NARS2: variants seen among roughly 807,000 people sequenced by gnomAD.
The protein encoded by NARS2 is asparaginyl-tRNA synthetase 2, mitochondrial.
A neutral mutation model predicts 62.9 loss-of-function variants in NARS2; 60 were observed. The ratio of observed to expected loss-of-function variants is 0.95; its 90% CI spans 0.77 to 1.18. The LOEUF is 1.18. Ranked by LOEUF, NARS2 falls within the 50% of genes most tolerant of loss-of-function variation. The probability of loss-of-function intolerance (pLI) is 0.00; values close to 1 mark genes in which losing one functional copy is unlikely to be tolerated. For synonymous variants in NARS2, 196 were observed against 200.0 expected, an observed-to-expected ratio of 0.98 and a Z score of 0.17; for missense variants, 619 against 576.4, an observed-to-expected ratio of 1.07 and a Z score of -0.76.
intron 6 of NARS2, among the ~76,000 whole-genome samples, chr11:78,493,592 A>C (rs1376503625): frequency 6.6e-6 from 1 of 151,898 alleles, no homozygotes; most frequent in Non-Finnish European, 1.5e-5. Context: ...CAGGAGGTGG[A>C]GGCCACAGTG....
At chr11:78,458,925 G>GTT (rs199817987) in intron 11 of NARS2, among the ~76,000 whole-genome samples, 1 of 149,390 alleles carries the variant, frequency 6.7e-6, no homozygotes, top group Non-Finnish European at 1.5e-5. Context: ...TTGTTTGTTT[G>GTT]TTTGTTTTTT....
chr11:78,466,025 A>C lies in NARS2; in HGVS notation c.1027-12T>G, dbSNP rs201187887. 109 of 1,574,388 alleles carry C rather than the reference A, an allele frequency of 6.9e-5. No individual in the cohort carries two copies. The East Asian group carries it at 2.4e-3, about 35-fold the overall frequency. On this transcript the variant is annotated splice_polypyrimidine_tract_variant and intron_variant, in intron 10 of 13. Transcript: ENST00000281038. The stretch of plus-strand genomic sequence containing the variant: ...AGGTCAGCACCCCACTGTAATGAGA[A>C]GAAAGAAATGACCAAAAGAGGAGAC...
Position 78,550,580 on chromosome 11 carries a change from T to C in NARS2, c.594+8959A>G, listed in dbSNP as rs1774686395. ...CAATAATATGCCACTTTACACCCATTAGTATGATTATAATCAAAGAAACTG... is the reference window on the plus strand; with the variant it reads ...CAATAATATGCCACTTTACACCCATCAGTATGATTATAATCAAAGAAACTG... On this transcript the variant is annotated intron_variant, in intron 5 of 13. Coordinates refer to ENST00000281038, the MANE Select transcript of NARS2 (RefSeq NM_024678.6). 2.0e-5 allele frequency among the ~76,000 whole-genome samples: 3 copies of C among 152,268 alleles called. No homozygotes were observed. In the South Asian group the frequency reaches 6.2e-4, roughly 32 times the overall value.
intron 11 of NARS2, among the ~76,000 whole-genome samples, chr11:78,461,031 A>G (rs935531391): frequency 1.3e-5 from 2 of 152,210 alleles, no homozygotes; most frequent in Non-Finnish European, 1.5e-5. Context: ...TGCATAGGTG[A>G]TACGCATACT....
intron 11 of NARS2, among the ~76,000 whole-genome samples, chr11:78,464,467 T>C (rs560179065): frequency 1.4e-3 from 211 of 152,262 alleles, no homozygotes; most frequent in African/African-American, 4.9e-3. Flanking sequence ...AGGGCGCTGA[T>C]TGGTACATTT....
intron 5 of NARS2, among the ~76,000 whole-genome samples, chr11:78,543,463 T>C (rs1855711428): frequency 6.6e-6 from 1 of 152,234 alleles, no homozygotes; most frequent in Non-Finnish European, 1.5e-5. Flanking sequence ...TTTTCATTTA[T>C]GATTACTTGA....
At chr11:78,497,253 A>G (rs1860099741) in intron 6 of NARS2, among the ~76,000 whole-genome samples, 1 of 151,666 alleles carries the variant, frequency 6.6e-6, no homozygotes. Context: ...AAAAAAAAAA[A>G]AAAAAAAAGG....
In NARS2 at chr11:78,551,631, A is replaced by T. The variant is rs187146994; in HGVS notation, c.594+7908T>A. On this transcript the variant is annotated intron_variant, in intron 5 of 13. Transcript: ENST00000281038. Reference sequence around the variant, plus strand: ...TTTGGGAGGCCAAGGCGGACGGATCACCTGAGGTCAGGAGTTTGAGACCAG... The same window carrying T: ...TTTGGGAGGCCAAGGCGGACGGATCTCCTGAGGTCAGGAGTTTGAGACCAG... Among the ~76,000 whole-genome samples the T allele has an allele frequency of 2.7e-3, 410 of 152,186 alleles. 3 individuals are homozygous for T. Among genetic ancestry groups the T allele is most frequent in the Non-Finnish European group, 3.9e-3 (263 of 67,984 alleles).
At chr11:78,445,645 A>AT (rs1326933846) in intron 11 of NARS2, among the ~76,000 whole-genome samples, 1 of 152,074 alleles carries the variant, frequency 6.6e-6, no homozygotes, top group African/African-American at 2.4e-5. Flanking sequence ...AATTAAAAAA[A>AT]TTTTTTTTAA....
intron 7 of NARS2, among the ~76,000 whole-genome samples, chr11:78,482,617 T>C (rs1168186995): frequency 1.3e-5 from 2 of 152,130 alleles, no homozygotes; most frequent in African/African-American, 4.8e-5. Flanking sequence ...TAAACACCTC[T>C]ACGCAAATGA....
At chr11:78,466,858 A>G (rs888614828) in intron 10 of NARS2, among the ~76,000 whole-genome samples, 1 of 152,238 alleles carries the variant, frequency 6.6e-6, no homozygotes, top group Admixed American at 6.5e-5. Flanking sequence ...TCTGTTCAAT[A>G]TATTTATTAA....
chr11:78,515,762 C>T (rs1292724430), intron 6 of NARS2, among the ~76,000 whole-genome samples: 1 of 152,118 alleles, frequency 6.6e-6, no homozygotes, highest in Admixed American at 6.5e-5. Flanking sequence ...AGGCTCAAGC[C>T]GTCCTCTTGC....
chr11:78,499,781 T>C (rs1169908636), intron 6 of NARS2, among the ~76,000 whole-genome samples: 2 of 152,224 alleles, frequency 1.3e-5, no homozygotes, highest in Non-Finnish European at 2.9e-5. Flanking sequence ...CCTGCAACAA[T>C]GGACTCTTCA....
intron 5 of NARS2, among the ~76,000 whole-genome samples, chr11:78,538,726 T>G: frequency 6.6e-6 from 1 of 151,954 alleles, no homozygotes. Flanking sequence ...CCGGGCGCGG[T>G]GGCTCACGCC....
At chr11:78,490,845 T>C (rs1353510315) in intron 7 of NARS2, among the ~76,000 whole-genome samples, 1 of 152,194 alleles carries the variant, frequency 6.6e-6, no homozygotes, top group Non-Finnish European at 1.5e-5. Flanking sequence ...TGCTCCGGTT[T>C]AGAGCAGAAT....
At chr11:78,559,458 A>G (rs962342231) in intron 5 of NARS2, 81 bp downstream of exon 5, 1 of 950,714 alleles carries the variant, frequency 1.1e-6, no homozygotes, top group African/African-American at 1.6e-5. Context: ...TTCTGTCCAC[A>G]AAACTATTAT....
chr11:78,531,477 A>T (rs1164872251), intron 5 of NARS2, among the ~76,000 whole-genome samples: 3 of 152,234 alleles, frequency 2.0e-5, no homozygotes, highest in African/African-American at 7.2e-5. Context: ...AAATTGAGTT[A>T]CTAAATGGCA....
intron 11 of NARS2, among the ~76,000 whole-genome samples, chr11:78,457,077 T>A (rs1858191553): frequency 6.6e-6 from 1 of 152,224 alleles, no homozygotes; most frequent in South Asian, 2.1e-4. Context: ...GAGACTTGCC[T>A]GAGGTGACAC....
intron 5 of NARS2, among the ~76,000 whole-genome samples, chr11:78,545,056 T>A (rs934916762): frequency 6.6e-6 from 1 of 152,148 alleles, no homozygotes; most frequent in Non-Finnish European, 1.5e-5. Flanking sequence ...GTTCTTTATA[T>A]CTCTATATAA....
Sources: allele counts gnomAD v4.1 joint callset (sites outside exome capture counted in the v4.1 genomes callset), GRCh38; gene constraint gnomAD v4.1.1; transcripts MANE v1.5; gene names NCBI Gene and HGNC (gene_info 2026-07-23, HGNC 2026-07-21).